Variants in BTBD16 observed in about 807,000 individuals in gnomAD.
BTBD16 encodes BTB domain containing 16.
Under a neutral mutation model 67.4 loss-of-function variants are expected in BTBD16, and 66 were observed. That is an observed-to-expected ratio of 0.98 (90% CI 0.80 to 1.20). The LOEUF (loss-of-function observed/expected upper bound fraction) is 1.20. Ranked by LOEUF, BTBD16 falls within the 50% of genes most tolerant of loss-of-function variation. The pLI is 0.00. For synonymous variants in BTBD16, 242 were observed against 236.4 expected (o/e 1.02, Z -0.22); for missense variants, 634 against 616.0 (o/e 1.03, Z -0.31).
intron 10 of BTBD16, among the ~76,000 whole-genome samples, chr10:122,309,919 G>A (rs1039933606): frequency 6.6e-6 from 1 of 151,628 alleles, no homozygotes; most frequent in Non-Finnish European, 1.5e-5. Context: ...CTACAGGCAC[G>A]TGCCACCACG....
chr10:122,295,800 G>C (rs1250250475), intron 7 of BTBD16, among the ~76,000 whole-genome samples: 1 of 152,204 alleles, frequency 6.6e-6, no homozygotes, highest in Non-Finnish European at 1.5e-5. Context: ...AATGGGTAGA[G>C]TCAGTCTCCC....
At chr10:122,297,927 C>A in intron 8 of BTBD16, 90 bp downstream of exon 8, 3 of 1,105,324 alleles carry the variant, frequency 2.7e-6, no homozygotes, top group East Asian at 2.5e-5. Flanking sequence ...AGGCCTACTT[C>A]CCCCCAGAAT....
chr10:122,338,073 C>T lies in BTBD16; in HGVS notation c.1509C>T (p.Phe503=), dbSNP rs1263725988. The change falls in exon 16 of 16, where the codon TTC becomes TTT. Residue 503 remains phenylalanine (F), a synonymous_variant. Transcript: ENST00000260723. ...TCTATGTAAGTTTTGCATTCATCTT[C>T]CCAGCATCTTGACAGTTTCCAGAAG... ...IPIYVSFAFI[F]PAS is the part of the protein sequence containing the mutation. 6.2e-7 allele frequency: 1 copy of T among 1,605,436 alleles called. No individual in the cohort carries two copies. Among genetic ancestry groups the T allele is most frequent in the Non-Finnish European group, 8.5e-7 (1 of 1,172,126 alleles).
At chr10:122,326,885 G>A (rs1020300710) in intron 10 of BTBD16, among the ~76,000 whole-genome samples, 6 of 152,194 alleles carry the variant, frequency 3.9e-5, no homozygotes, top group African/African-American at 1.2e-4. Flanking sequence ...CAAACAGAGC[G>A]CAGTACCAGG....
At chr10:122,315,011 C>T (rs1453814314) in intron 10 of BTBD16, among the ~76,000 whole-genome samples, 1 of 152,108 alleles carries the variant, frequency 6.6e-6, no homozygotes, top group Non-Finnish European at 1.5e-5. Context: ...ATGATGTTTG[C>T]TGTGGGTTTG....
chr10:122,316,264 C>A (rs752406346), intron 10 of BTBD16, among the ~76,000 whole-genome samples: 1 of 152,104 alleles, frequency 6.6e-6, no homozygotes, highest in Non-Finnish European at 1.5e-5. Context: ...GAGACTCCAA[C>A]TCAAAAACAA....
intron 3 of BTBD16, among the ~76,000 whole-genome samples, chr10:122,280,369 T>C (rs11200525): frequency 2.0e-5 from 3 of 151,900 alleles, no homozygotes; most frequent in South Asian, 4.1e-4. Flanking sequence ...CAGGCCAGAC[T>C]GGGGAGGGGG....
chr10:122,290,038 A>G, intron 6 of BTBD16, 40 bp downstream of exon 6: 3 of 1,339,710 alleles, frequency 2.2e-6, no homozygotes, highest in Non-Finnish European at 3.2e-6. Flanking sequence ...ATGCCATTGA[A>G]CAAATGGTCC....
At chr10:122,333,066 T>C in intron 13 of BTBD16, 1 of 541,972 alleles carries the variant, frequency 1.8e-6, no homozygotes, top group South Asian at 8.0e-5. Flanking sequence ...TTCCCTGTGA[T>C]GGAAGCAATT....
intron 9 of BTBD16, 56 bp downstream of exon 9, chr10:122,299,190 G>A: frequency 6.3e-7 from 1 of 1,593,022 alleles, no homozygotes. Context: ...GAAAGTAGGG[G>A]CCAGGCTGGG....
At chr10:122,312,159 A>G (rs1404690900) in intron 10 of BTBD16, among the ~76,000 whole-genome samples, 1 of 152,176 alleles carries the variant, frequency 6.6e-6, no homozygotes, top group Admixed American at 6.5e-5. Flanking sequence ...TAGGGTATGG[A>G]TGAGTTCAAC....
At chr10:122,308,190 G>A (rs1208609910) in intron 10 of BTBD16, among the ~76,000 whole-genome samples, 1 of 152,150 alleles carries the variant, frequency 6.6e-6, no homozygotes, top group Non-Finnish European at 1.5e-5. Flanking sequence ...GCTAGAATGT[G>A]GTGATTCATT....
At chr10:122,303,896 G>T (rs1402679521) in intron 9 of BTBD16, among the ~76,000 whole-genome samples, 1 of 152,152 alleles carries the variant, frequency 6.6e-6, no homozygotes, top group Non-Finnish European at 1.5e-5. Context: ...TTTCAGGTCT[G>T]ATATTGACCT....
chr10:122,334,463 G>A (rs1157786719), intron 13 of BTBD16, among the ~76,000 whole-genome samples: 2 of 137,338 alleles, frequency 1.5e-5, no homozygotes, highest in African/African-American at 2.8e-5. Context: ...CCAAAGTGCT[G>A]GGATTACAGG....
At chr10:122,275,416 A>G (rs1419299106) in intron 2 of BTBD16, among the ~76,000 whole-genome samples, 5 of 152,168 alleles carry the variant, frequency 3.3e-5, no homozygotes, top group African/African-American at 1.2e-4. Context: ...ACTTTATCCT[A>G]CTTTATACTT....
intron 8 of BTBD16, among the ~76,000 whole-genome samples, chr10:122,298,169 A>T (rs1341082714): frequency 6.6e-6 from 1 of 152,142 alleles, no homozygotes; most frequent in Non-Finnish European, 1.5e-5. Context: ...GGGTCTAATC[A>T]GTGTGTCAGG....
At chr10:122,306,113 G>A (rs1366972510) in intron 9 of BTBD16, among the ~76,000 whole-genome samples, 5 of 152,174 alleles carry the variant, frequency 3.3e-5, no homozygotes, top group Admixed American at 2.6e-4. Context: ...CCTTGTAAAT[G>A]TGAAGAGGGA....
chr10:122,324,663 A>G lies in BTBD16; in HGVS notation c.912-4817A>G, dbSNP rs571253055. On this transcript the variant is annotated intron_variant, in intron 10 of 15. Transcript: ENST00000260723. ...ATATTCTGGGTCAAGAGGATTTCTC[A>G]TTATCTGACGTTCATGCTTCTTGCC... 3.3e-5 allele frequency among the ~76,000 whole-genome samples: 5 copies of G among 152,148 alleles called. No individual in the cohort carries two copies. In the South Asian group the frequency reaches 8.3e-4, roughly 25 times the overall value.
intron 3 of BTBD16, among the ~76,000 whole-genome samples, chr10:122,281,453 T>TC (rs1360410445): frequency 1.3e-5 from 2 of 151,874 alleles, no homozygotes; most frequent in Non-Finnish European, 1.5e-5. Context: ...CAATGGCTAT[T>TC]CACAGGCATG....
Sources: gnomAD v4.1 joint callset for allele counts (sites outside exome capture counted in the v4.1 genomes callset) on GRCh38, gnomAD v4.1.1 for gene constraint, MANE v1.5 for transcripts, NCBI Gene and HGNC (gene_info 2026-07-23, HGNC 2026-07-21) for gene names.